The following SLC12A1 variants were observed in gnomAD, a reference collection of about 807,000 sequenced individuals.
SLC12A1 encodes Na-K-2Cl cotransporter.
In SLC12A1, 89 loss-of-function variants were observed where a neutral mutation model predicts 130.4. The ratio of observed to expected loss-of-function variants is 0.68; its 90% CI spans 0.58 to 0.81. The LOEUF (loss-of-function observed/expected upper bound fraction) is 0.81. Among genes scored for constraint, SLC12A1 ranks in the 40% least tolerant of loss-of-function variants. The probability of loss-of-function intolerance (pLI) is 0.00; values close to 1 mark genes in which losing one functional copy is unlikely to be tolerated. For synonymous variants in SLC12A1, 499 were observed against 460.0 expected, an observed-to-expected ratio of 1.08 and a Z score of -1.09; for missense variants, 1,310 against 1,336.4, an observed-to-expected ratio of 0.98 and a Z score of 0.31.
At chr15:48,263,654 T>A (rs1597438872) in intron 17 of SLC12A1, among the ~76,000 whole-genome samples, 1 of 152,002 alleles carries the variant, frequency 6.6e-6, no homozygotes. Flanking sequence ...AGAAAAAAAA[T>A]TGGTTATAGA....
At chr15:48,232,666 T>A in intron 7 of SLC12A1, 61 bp from the exon 8 acceptor site, 1 of 1,049,338 alleles carries the variant, frequency 9.5e-7, no homozygotes, top group South Asian at 1.3e-5. Context: ...CTAACTTTTA[T>A]AATTATGTAA....
chr15:48,213,279 G>A (rs1193312939), intron 2 of SLC12A1, among the ~76,000 whole-genome samples: 2 of 152,068 alleles, frequency 1.3e-5, no homozygotes, highest in African/African-American at 4.8e-5. Context: ...ACTCAGGCAC[G>A]AAGAAGAAAA....
chr15:48,212,934 G>C (rs1054658897), intron 2 of SLC12A1, among the ~76,000 whole-genome samples: 2 of 152,150 alleles, frequency 1.3e-5, no homozygotes, highest in African/African-American at 4.8e-5. Flanking sequence ...CCAACTTTTT[G>C]TTGAGAACTT....
intron 2 of SLC12A1, among the ~76,000 whole-genome samples, chr15:48,214,701 G>A (rs2041098164): frequency 6.6e-6 from 1 of 152,182 alleles, no homozygotes; most frequent in South Asian, 2.1e-4. Context: ...CTGAAATGAA[G>A]CTTAGGAATC....
chr15:48,251,497 G>T, intron 14 of SLC12A1, 118 bp from the exon 15 acceptor site: 1 of 777,282 alleles, frequency 1.3e-6, no homozygotes, highest in Non-Finnish European at 2.2e-6. Flanking sequence ...TCTGGAACTT[G>T]GCCTAAAAGT....
intron 15 of SLC12A1, among the ~76,000 whole-genome samples, chr15:48,253,519 T>C (rs947808564): frequency 3.3e-5 from 5 of 152,214 alleles, no homozygotes; most frequent in Admixed American, 6.5e-5. Flanking sequence ...ATGTAAGTGG[T>C]TTATTCTTTG....
chr15:48,288,791 G>A (rs576749601), intron 23 of SLC12A1, among the ~76,000 whole-genome samples: 79 of 152,244 alleles, frequency 5.2e-4, no homozygotes, highest in Middle Eastern at 3.4e-3. Flanking sequence ...TGGGAGCTTC[G>A]TTATCTCATA....
chr15:48,252,244 T>C, intron 15 of SLC12A1, among the ~76,000 whole-genome samples: 1 of 152,176 alleles, frequency 6.6e-6, no homozygotes, highest in Non-Finnish European at 1.5e-5. Flanking sequence ...TAGTTAACCT[T>C]GTTGAGCACC....
chr15:48,230,522 ATAT>A lies in SLC12A1; in HGVS notation c.975+23_975+25del. 2.7e-6 allele frequency: 4 copies of A among 1,508,760 alleles called. No homozygotes were observed. Among genetic ancestry groups the A allele is most frequent in the East Asian group, 2.3e-5 (1 of 43,970 alleles). The allele number at this position is 1,508,760 out of a possible 1,614,324, so 93.5% of individuals were successfully genotyped here. A position where few individuals can be genotyped will look rare whatever the true frequency, so the allele number is the denominator to read the frequency against. ...GGCAAAGGTAAATTTCTCAAAAATG[ATAT>A]TATCAACAGTGGCTGGTCAGGTCCT... On this transcript the variant is annotated intron_variant, in intron 7 of 26. Transcript: ENST00000380993.
Position 48,258,177 on chromosome 15 carries a change from C to T in SLC12A1, c.2043-1023C>T, listed in dbSNP as rs1476425544. On this transcript the variant is annotated intron_variant, in intron 16 of 26. Coordinates refer to ENST00000380993, the MANE Select transcript of SLC12A1 (RefSeq NM_000338.3). ...GAGATCGAGACCATCCCGGCTAAAA[C>T]GGTGAAACCCCGTCTCTACTAAAAA... Among the ~76,000 whole-genome samples the T allele has an allele frequency of 4.0e-4, 31 of 77,040 alleles. 11 individuals carry two copies. The highest frequency in any genetic ancestry group is 2.9e-3 in the African/African-American group (17 of 5,768). The allele number at this position is 77,040 out of a possible 152,430, so 50.5% of individuals were successfully genotyped here. A position where few individuals can be genotyped will look rare whatever the true frequency, so the allele number is the denominator to read the frequency against.
rs1026473029 is a variant in SLC12A1, at chr15:48,252,078, CT to C, written c.1942+309del. Among the ~76,000 whole-genome samples, 39 of 152,116 alleles carry C rather than the reference CT, an allele frequency of 2.6e-4. 1 individual carries two copies. Among genetic ancestry groups the C allele is most frequent in the Non-Finnish European group, 2.9e-5 (2 of 68,028 alleles). ...ATTAGCTGGGTGTGGTGGCGGGCCC[CT>C]GTAATCTCAGCTACTCAGGAGGCTG... is the stretch of plus-strand genomic sequence containing the variant. On this transcript the variant is annotated intron_variant, in intron 15 of 26. Coordinates refer to ENST00000380993, the MANE Select transcript of SLC12A1 (RefSeq NM_000338.3).
intron 8 of SLC12A1, among the ~76,000 whole-genome samples, chr15:48,233,152 G>A (rs1053074425): frequency 6.6e-6 from 1 of 152,162 alleles, no homozygotes; most frequent in African/African-American, 2.4e-5. Flanking sequence ...CTCCAGGAAA[G>A]AGCCTGGAGT....
chr15:48,302,313 G>A (rs2042241166), intron 26 of SLC12A1, among the ~76,000 whole-genome samples: 1 of 152,020 alleles, frequency 6.6e-6, no homozygotes, highest in Non-Finnish European at 1.5e-5. Context: ...CTTTCATCTT[G>A]GGGTGGCGTA....
chr15:48,211,202 G>C (rs1040711102), intron 2 of SLC12A1, among the ~76,000 whole-genome samples: 1 of 152,148 alleles, frequency 6.6e-6, no homozygotes, highest in African/African-American at 2.4e-5. Context: ...GTAGAATTCA[G>C]ATTCAACCAC....
intron 25 of SLC12A1, among the ~76,000 whole-genome samples, chr15:48,300,952 G>T (rs114321107): frequency 1.3e-3 from 203 of 152,272 alleles, no homozygotes; most frequent in African/African-American, 4.7e-3. Context: ...CTGTGCATAG[G>T]CATGGGCATA....
intron 9 of SLC12A1, chr15:48,235,345 T>TAA (rs5812439): frequency 0.028 from 6,504 of 234,558 alleles, 1 homozygote; most frequent in South Asian, 0.052. Context: ...CCTGTAAAAG[T>TAA]AAAAAAAAAA....
chr15:48,213,961 A>T (rs2041087656), intron 2 of SLC12A1, among the ~76,000 whole-genome samples: 1 of 152,214 alleles, frequency 6.6e-6, no homozygotes. Flanking sequence ...AAAGGACAAA[A>T]ATGTACGAAT....
chr15:48,224,432 G>C (rs2041257542), intron 4 of SLC12A1: 1 of 152,178 alleles, frequency 6.6e-6, no homozygotes, highest in South Asian at 2.1e-4. Flanking sequence ...GTGACTTAAA[G>C]GGTTGCTTAG....
intron 24 of SLC12A1, 22 bp downstream of exon 24, chr15:48,291,886 A>T (rs2291342): frequency 7.3e-7 from 1 of 1,376,862 alleles, no homozygotes; most frequent in Non-Finnish European, 1.0e-6. Context: ...TTAACAAGAG[A>T]CATTGATTAC....
Sources: allele counts gnomAD v4.1 joint callset (sites outside exome capture counted in the v4.1 genomes callset), GRCh38; gene constraint gnomAD v4.1.1; transcripts MANE v1.5; gene names NCBI Gene and HGNC (gene_info 2026-07-23, HGNC 2026-07-21).